SPATA16: variants seen among roughly 807,000 people sequenced by gnomAD.
SPATA16 encodes spermatogenesis associated 16.
A neutral mutation model predicts 63.3 loss-of-function variants in SPATA16; 36 were observed. The observed-to-expected ratio is 0.57, with a 90% CI of 0.44 to 0.75. SPATA16 has a LOEUF of 0.75. Among genes scored for constraint, SPATA16 ranks in the 30% least tolerant of loss-of-function variants. The pLI, the probability that SPATA16 is intolerant of heterozygous loss-of-function variation, is 0.00. For synonymous variants in SPATA16, 203 were observed against 216.7 expected (o/e 0.94, Z 0.56); for missense variants, 646 against 679.3 (o/e 0.95, Z 0.54).
chr3:172,955,198 G>T (rs966196152), intron 6 of SPATA16, among the ~76,000 whole-genome samples: 15 of 152,262 alleles, frequency 9.9e-5, no homozygotes, highest in African/African-American at 3.1e-4. Flanking sequence ...TGACTGCTCT[G>T]TGAAATGGGT....
chr3:172,913,379 C>A (rs552993714), intron 10 of SPATA16, among the ~76,000 whole-genome samples: 11 of 151,616 alleles, frequency 7.3e-5, no homozygotes, highest in Admixed American at 2.0e-4. Flanking sequence ...AAACCGAGAA[C>A]GAAGGCGCAG....
intron 3 of SPATA16, among the ~76,000 whole-genome samples, chr3:173,043,271 A>G (rs1735887246): frequency 6.6e-6 from 1 of 151,892 alleles, no homozygotes; most frequent in African/African-American, 2.4e-5. Flanking sequence ...AGTTAATTAA[A>G]TATTCATTAG....
intron 5 of SPATA16, among the ~76,000 whole-genome samples, chr3:172,974,088 A>T (rs1430326310): frequency 6.6e-6 from 1 of 152,102 alleles, no homozygotes; most frequent in East Asian, 1.9e-4. Flanking sequence ...AAATGTTCCT[A>T]ATGCAATTGA....
At chr3:173,125,086 G>C (rs1560132060) in intron 1 of SPATA16, among the ~76,000 whole-genome samples, 1 of 151,928 alleles carries the variant, frequency 6.6e-6, no homozygotes, top group African/African-American at 2.4e-5. Flanking sequence ...AATACCAGCG[G>C]GTCTCCTAAT....
intron 5 of SPATA16, among the ~76,000 whole-genome samples, chr3:172,961,705 T>C (rs1733789603): frequency 6.6e-6 from 1 of 152,174 alleles, no homozygotes. Flanking sequence ...TCTAAGGACT[T>C]ATTAAATGAC....
At chr3:172,921,059 C>CTTTTTTTTTTTTTTTT (rs1207872341) in intron 8 of SPATA16, among the ~76,000 whole-genome samples, 1 of 137,296 alleles carries the variant, frequency 7.3e-6, no homozygotes, top group Non-Finnish European at 1.6e-5. Context: ...TTGTTTTTGT[C>CTTTTTTTTTTTTTTTT]TTTTTTTTTT....
At chr3:173,045,842 G>A (rs1202113464) in intron 3 of SPATA16, among the ~76,000 whole-genome samples, 1 of 151,842 alleles carries the variant, frequency 6.6e-6, no homozygotes, top group Admixed American at 6.6e-5. Flanking sequence ...ACAGGAATAG[G>A]CTCTTGGTGG....
chr3:172,971,509 T>C (rs1235304183), intron 5 of SPATA16, among the ~76,000 whole-genome samples: 1 of 152,190 alleles, frequency 6.6e-6, no homozygotes, highest in Non-Finnish European at 1.5e-5. Context: ...ACAATTTAAG[T>C]ACCTTATAGT....
chr3:172,961,669 C>T (rs1343492147), intron 5 of SPATA16, among the ~76,000 whole-genome samples: 1 of 152,184 alleles, frequency 6.6e-6, no homozygotes, highest in East Asian at 1.9e-4. Context: ...TACTGGATTA[C>T]AGGCGTGAGC....
At chr3:173,043,593 A>T (rs1292301224) in intron 3 of SPATA16, among the ~76,000 whole-genome samples, 3 of 151,968 alleles carry the variant, frequency 2.0e-5, no homozygotes, top group African/African-American at 7.2e-5. Flanking sequence ...TATATTTACC[A>T]TTTATCACTT....
chr3:173,063,152 T>C (rs1404414851), intron 2 of SPATA16, among the ~76,000 whole-genome samples: 1 of 152,254 alleles, frequency 6.6e-6, no homozygotes, highest in African/African-American at 2.4e-5. Flanking sequence ...TATATCCATG[T>C]CATCTATATC....
intron 9 of SPATA16, among the ~76,000 whole-genome samples, chr3:172,915,667 A>G (rs115149608): frequency 0.019 from 2,898 of 152,242 alleles, 30 homozygotes; most frequent in Middle Eastern, 0.058. Context: ...TAATATGCAC[A>G]TCTGTCTGAA....
chr3:173,079,946 A>G (rs1736888266), intron 2 of SPATA16, among the ~76,000 whole-genome samples: 1 of 152,218 alleles, frequency 6.6e-6, no homozygotes, highest in Admixed American at 6.6e-5. Flanking sequence ...GAGTTGCCAG[A>G]TTAAGCAAAT....
intron 2 of SPATA16, among the ~76,000 whole-genome samples, chr3:173,116,413 T>G (rs966803732): frequency 4.6e-5 from 7 of 152,240 alleles, no homozygotes; most frequent in Admixed American, 1.3e-4. Flanking sequence ...AGTTTGGTCC[T>G]TCTATAGGTA....
rs1560101039 is a variant in SPATA16, at chr3:173,028,032, TTC to T, written c.759-8459_759-8458del. Among the ~76,000 whole-genome samples, 379 of 68,604 alleles carry T rather than the reference TTC, an allele frequency of 5.5e-3. 11 individuals are homozygous for T. The highest frequency in any genetic ancestry group is 0.023 in the African/African-American group (360 of 15,426). 45.0% of individuals were successfully genotyped at this position (68,604 alleles called of 152,430 possible). On this transcript the variant is annotated intron_variant, in intron 3 of 10. Coordinates refer to ENST00000351008, the MANE Select transcript of SPATA16 (RefSeq NM_031955.6). ...CTCCCTCCCTTCCTTCTTTCCTTCC[TTC>T]CTTCCTTCCTTCCTTCCTTCCTTCC...
At position 172,977,002 on chromosome 3, in the gene SPATA16, T is replaced by A. The variant is rs756051938; in HGVS notation, c.899A>T (p.Glu300Val). ...CAGTTTGATGAGCTTGCTTATGCTC[T>A]CTTCCCTTCCTCCACCAAGCCAGAA... is the stretch of plus-strand genomic sequence containing the variant. Reference protein sequence around the residue: ...YMFWLGGGREESISKLIKLYW... With the variant: ...YMFWLGGGREVSISKLIKLYW... The change falls in exon 5 of 11, where the codon GAG becomes GTG. Residue 300 changes from glutamate to valine, a missense_variant. By Grantham distance (121) the Glu-to-Val change is moderately radical. Transcript: ENST00000351008. 1 of 1,612,256 alleles carries A rather than the reference T, an allele frequency of 6.2e-7. No homozygotes were observed. The highest frequency in any genetic ancestry group is 1.1e-5 in the South Asian group (1 of 91,066).
chr3:172,892,274 GC>G lies in SPATA16; in HGVS notation c.1588-2583del, dbSNP rs578118608. The stretch of plus-strand genomic sequence containing the variant: ...GGAGTCAGTAGGAATGTTGAATTCT[GC>G]TCTCGGGTTGGCTTCTAACACTGCT... On this transcript the variant is annotated intron_variant, in intron 10 of 10. Transcript: ENST00000351008. Among the ~76,000 whole-genome samples the G allele has an allele frequency of 1.4e-4, 22 of 152,304 alleles. 1 individual carries two copies. In the South Asian group the frequency reaches 4.1e-3, roughly 29 times the overall value.
At chr3:173,033,486 C>A (rs981457578) in intron 3 of SPATA16, among the ~76,000 whole-genome samples, 1 of 152,046 alleles carries the variant, frequency 6.6e-6, no homozygotes, top group South Asian at 2.1e-4. Context: ...TATTATCTTT[C>A]CTTTGGAGTC....
At chr3:173,057,176 A>G (rs1736255258) in intron 2 of SPATA16, among the ~76,000 whole-genome samples, 1 of 147,518 alleles carries the variant, frequency 6.8e-6, no homozygotes, top group Non-Finnish European at 1.5e-5. Context: ...CAGTGGCGAG[A>G]TCTTGGCTCA....
Sources: allele counts gnomAD v4.1 joint callset (sites outside exome capture counted in the v4.1 genomes callset), GRCh38; gene constraint gnomAD v4.1.1; transcripts MANE v1.5; gene names NCBI Gene and HGNC (gene_info 2026-07-23, HGNC 2026-07-21).